GNAL: variants seen among roughly 807,000 people sequenced by gnomAD.
GNAL encodes the protein guanine nucleotide-binding protein G(olf) subunit alpha.
GNAL carries 18 observed loss-of-function variants against 55.1 expected under a neutral mutation model. The observed-to-expected ratio is 0.33, with a 90% CI of 0.23 to 0.48. GNAL has a LOEUF of 0.48. GNAL is among the 20% of genes least tolerant of loss of function. The pLI, the probability that GNAL is intolerant of heterozygous loss-of-function variation, is 0.99. For missense variants in GNAL, 412 were observed against 614.1 expected (o/e 0.67, Z 3.48); for synonymous variants, 253 against 237.0 (o/e 1.07, Z -0.62).
intron 1 of GNAL, among the ~76,000 whole-genome samples, chr18:11,720,528 T>G (rs2032070672): frequency 1.3e-5 from 2 of 152,246 alleles, no homozygotes; most frequent in South Asian, 4.1e-4. Context: ...CTGCCAAATA[T>G]GGATGTCAGT....
chr18:11,881,275 AC>A lies in GNAL; in HGVS notation c.*142del. 2 of 791,250 alleles carry A rather than the reference AC, an allele frequency of 2.5e-6. No individual in the cohort carries two copies. Among genetic ancestry groups the A allele is most frequent in the Non-Finnish European group, 3.9e-6 (2 of 515,064 alleles). The allele number at this position is 791,250 out of a possible 1,614,324, so 49.0% of individuals were successfully genotyped here. A position where few individuals can be genotyped will look rare whatever the true frequency, so the allele number is the denominator to read the frequency against. On this transcript the variant is annotated 3_prime_UTR_variant, in exon 12 of 12. Coordinates refer to ENST00000334049, the MANE Select transcript of GNAL (RefSeq NM_182978.4). The surrounding 1 kb of genome is among the most constrained non-coding windows in gnomAD (Gnocchi z 4.8). ...TGTGTCGACCACCAAGCCTCTGGCT[AC>A]CTCTGTCCCCTCAGGTTTGGTTGTG...
intron 1 of GNAL, among the ~76,000 whole-genome samples, chr18:11,730,031 C>CT (rs1431492708): frequency 8.2e-4 from 124 of 151,530 alleles, no homozygotes; most frequent in African/African-American, 2.9e-3. Flanking sequence ...TTTTTCTTTT[C>CT]TTTTCTTTTC....
At position 11,715,992 on chromosome 18, in the gene GNAL, A is replaced by G. The variant is rs1489305252; in HGVS notation, c.376+26053A>G. ...AATGGCTATTATTAAAAAGACTACT[A>G]TTAAAAAACAGATGCTGGTAAGGTT... On this transcript the variant is annotated intron_variant, in intron 1 of 11. Coordinates refer to ENST00000334049, the MANE Select transcript of GNAL (RefSeq NM_182978.4). 2.0e-5 allele frequency among the ~76,000 whole-genome samples: 3 copies of G among 152,198 alleles called. No individual in the cohort carries two copies. The East Asian group carries it at 5.8e-4, about 29-fold the overall frequency.
intron 1 of GNAL, among the ~76,000 whole-genome samples, chr18:11,724,743 A>G (rs1459035978): frequency 6.6e-6 from 1 of 152,214 alleles, no homozygotes; most frequent in Non-Finnish European, 1.5e-5. Context: ...GCCTGATGTT[A>G]TAGTGTCAAC....
At chr18:11,788,644 G>A (rs1281544460) in intron 4 of GNAL, among the ~76,000 whole-genome samples, 3 of 151,886 alleles carry the variant, frequency 2.0e-5, no homozygotes, top group Non-Finnish European at 2.9e-5. Flanking sequence ...GACGGAGGCA[G>A]GCGGATCACC....
rs1567915934 is a variant in GNAL, at chr18:11,884,246, A to G, written c.*3111A>G. 2 of 563,308 alleles carry G rather than the reference A, an allele frequency of 3.6e-6. No individual in the cohort carries two copies. The allele number at this position is 563,308 out of a possible 1,614,324, so 34.9% of individuals were successfully genotyped here. ...AAAAATGAGAAAACAGATTTGTTGT[A>G]GAGTACCTGTCCACTTTTATAGCAT... On this transcript the variant is annotated 3_prime_UTR_variant, in exon 12 of 12. Transcript: ENST00000334049.
intron 1 of GNAL, among the ~76,000 whole-genome samples, chr18:11,708,493 A>G (rs1393932852): frequency 6.6e-6 from 1 of 152,232 alleles, no homozygotes; most frequent in Non-Finnish European, 1.5e-5. Flanking sequence ...TCATTTTAAC[A>G]GATATAATAA....
intron 4 of GNAL, among the ~76,000 whole-genome samples, chr18:11,783,623 A>G (rs537318792): frequency 3.3e-5 from 5 of 152,316 alleles, no homozygotes; most frequent in East Asian, 3.9e-4. Context: ...CAATCCACCT[A>G]TGTAATTTTG....
At position 11,837,432 on chromosome 18, in the gene GNAL, G is replaced by A. The variant is rs189661317; in HGVS notation, c.722+12417G>A. 1.7e-3 allele frequency among the ~76,000 whole-genome samples: 266 copies of A among 152,268 alleles called. 6 individuals carry two copies. Among genetic ancestry groups the A allele is most frequent in the Admixed American group, 0.016 (240 of 15,286 alleles). ...CTCTTACAAATCAATAATAACATAA[G>A]TAAACCGATTTTTAAATCAGCAAAG... On this transcript the variant is annotated intron_variant, in intron 5 of 11. Coordinates refer to ENST00000334049, the MANE Select transcript of GNAL (RefSeq NM_182978.4).
intron 1 of GNAL, chr18:11,747,474 A>G (rs2032713806): frequency 6.1e-6 from 1 of 162,932 alleles, no homozygotes; most frequent in Admixed American, 6.3e-5. Flanking sequence ...CTACCCAGGC[A>G]GGGTGCAGTG....
intron 1 of GNAL, among the ~76,000 whole-genome samples, chr18:11,704,739 CT>C (rs1269880980): frequency 6.6e-6 from 1 of 151,986 alleles, no homozygotes; most frequent in Non-Finnish European, 1.5e-5. Flanking sequence ...TTACTCGTTC[CT>C]GTGAAATTAT....
chr18:11,867,290 T>A, intron 8 of GNAL, 64 bp downstream of exon 8: 1 of 958,448 alleles, frequency 1.0e-6, no homozygotes, highest in Non-Finnish European at 1.7e-6. Flanking sequence ...CTGCTGTGCT[T>A]AACTATTCTT....
At chr18:11,849,621 G>C (rs1448855503) in intron 5 of GNAL, among the ~76,000 whole-genome samples, 1 of 151,994 alleles carries the variant, frequency 6.6e-6, no homozygotes, top group African/African-American at 2.4e-5. Flanking sequence ...AAGAAGGGAA[G>C]AGTGGAATGG....
rs1347763945 is a variant in GNAL at position 11,751,670 on chromosome 18, G to A, written c.377-1183G>A. ...AGAGCCAGGCGGCCGCGGCGCAGCG[G>A]AGGGGCTGCGGGCCCGGAACCCAGG... On this transcript the variant is annotated intron_variant, in intron 1 of 11. Transcript: ENST00000334049. The surrounding 1 kb of genome is among the most constrained non-coding windows in gnomAD (Gnocchi z 4.5). 5.1e-6 allele frequency: 5 copies of A among 985,286 alleles called. No individual in the cohort carries two copies. Among genetic ancestry groups the A allele is most frequent in the Non-Finnish European group, 4.8e-6 (4 of 829,904 alleles). The allele number at this position is 985,286 out of a possible 1,614,324, so 61.0% of individuals were successfully genotyped here.
intron 1 of GNAL, among the ~76,000 whole-genome samples, chr18:11,714,585 T>G (rs1409828891): frequency 6.6e-6 from 1 of 152,234 alleles, no homozygotes; most frequent in Middle Eastern, 3.2e-3. Flanking sequence ...TTTCTAGTCT[T>G]GTCTTTGTCC....
intron 4 of GNAL, among the ~76,000 whole-genome samples, chr18:11,763,592 G>A (rs1209467229): frequency 6.6e-6 from 1 of 151,790 alleles, no homozygotes; most frequent in African/African-American, 2.4e-5. Flanking sequence ...GGCCAGGCTG[G>A]TCTCAAACTC....
At position 11,801,558 on chromosome 18, in the gene GNAL, C is replaced by T. The variant is rs538584114; in HGVS notation, c.625-23360C>T. 3.3e-5 allele frequency among the ~76,000 whole-genome samples: 5 copies of T among 152,218 alleles called. No homozygotes were observed. The East Asian group carries it at 9.7e-4, about 29-fold the overall frequency. ...GAGGATTTTGAGTGGAGGAGGGGCC[C>T]TAGCTGACCTACACTGTGAAAACAT... On this transcript the variant is annotated intron_variant, in intron 4 of 11. Transcript: ENST00000334049.
At chr18:11,693,786 G>A (rs1372958349) in intron 1 of GNAL, among the ~76,000 whole-genome samples, 1 of 146,774 alleles carries the variant, frequency 6.8e-6, no homozygotes, top group Non-Finnish European at 1.5e-5. Flanking sequence ...GGATGCTGAG[G>A]TGGGCAGATC....
In GNAL at chr18:11,868,443, A is replaced by C; in HGVS notation, c.911-100A>C. On this transcript the variant is annotated intron_variant, in intron 8 of 11. Transcript: ENST00000334049. The surrounding 1 kb of genome is among the most constrained non-coding windows in gnomAD (Gnocchi z 4.0). ...GACTGAATAGTCCTATCACTGAATG[A>C]ATGTTTTTGTGGAACTGAGTAGCTG... 1 of 984,650 alleles carries C rather than the reference A, an allele frequency of 1.0e-6. No individual in the cohort carries two copies. The highest frequency in any genetic ancestry group is 1.5e-6 in the Non-Finnish European group (1 of 656,448). 61.0% of individuals were successfully genotyped at this position (984,650 alleles called of 1,614,324 possible).
Sources: allele counts gnomAD v4.1 joint callset (sites outside exome capture counted in the v4.1 genomes callset), GRCh38; gene constraint gnomAD v4.1.1; non-coding constraint Gnocchi (gnomAD v3.1); transcripts MANE v1.5; gene names NCBI Gene and HGNC (gene_info 2026-07-23, HGNC 2026-07-21).